The following LDHA variants were observed in gnomAD, a reference collection of about 807,000 sequenced individuals.
LDHA encodes the protein lactate dehydrogenase A.
LDHA carries 10 observed loss-of-function variants against 36.3 expected under a neutral mutation model. That is an observed-to-expected ratio of 0.28 (90% CI 0.17 to 0.47). The LOEUF (loss-of-function observed/expected upper bound fraction) is 0.47. LDHA is among the 20% of genes least tolerant of loss of function. LDHA has a pLI of 0.99. For synonymous variants in LDHA, 110 were observed against 136.7 expected (o/e 0.80, Z 1.36); for missense variants, 267 against 405.8 (o/e 0.66, Z 2.94).
In LDHA at chr11:18,408,058, TAATG is replaced by T; in HGVS notation, c.*778_*781del. ...TCCCAAAGTATTATATATTTGATAA[TAATG>T]CTAATCATAATTGGAAAGTAACATT... On this transcript the variant is annotated 3_prime_UTR_variant, in exon 8 of 8. Coordinates refer to ENST00000422447, the MANE Select transcript of LDHA (RefSeq NM_005566.4). The T allele has an allele frequency of 2.2e-6, 1 of 453,942 alleles. No individual in the cohort carries two copies. The highest frequency in any genetic ancestry group is 4.4e-6 in the Non-Finnish European group (1 of 226,724). 28.1% of individuals were successfully genotyped at this position (453,942 alleles called of 1,614,324 possible). A position where few individuals can be genotyped will look rare whatever the true frequency, so the allele number is the denominator to read the frequency against.
chr11:18,396,534 G>A, intron 1 of LDHA: 1 of 1,335,298 alleles, frequency 7.5e-7, no homozygotes, highest in Non-Finnish European at 9.6e-7. Flanking sequence ...CCCACTTGGG[G>A]TTAATAAACC....
intron 2 of LDHA, chr11:18,398,699 T>C (rs7120485): frequency 0.65 from 91,474 of 141,364 alleles, 29,486 homozygotes; most frequent in South Asian, 0.75. Context: ...CTGCTAGCTC[T>C]GCCTCCCGGG....
At chr11:18,405,028 CCT>C (rs1229547342) in intron 6 of LDHA, among the ~76,000 whole-genome samples, 3 of 152,042 alleles carry the variant, frequency 2.0e-5, no homozygotes, top group Non-Finnish European at 4.4e-5. Flanking sequence ...CCCAGCTATC[CCT>C]CTGTCCCCCT....
At position 18,403,392 on chromosome 11, in the gene LDHA, G is replaced by A. The variant is rs16935413; in HGVS notation, c.593-302G>A. 0.012 allele frequency among the ~76,000 whole-genome samples: 1,815 copies of A among 152,128 alleles called. 42 individuals are homozygous for A. Among genetic ancestry groups the A allele is most frequent in the African/African-American group, 0.041 (1,708 of 41,492 alleles). ...CACAGTTGAAAAATGTTATGATTAGGTTCTGTATGCTAAGAAAACCCCCCT... is the reference window on the plus strand; with the variant it reads ...CACAGTTGAAAAATGTTATGATTAGATTCTGTATGCTAAGAAAACCCCCCT... On this transcript the variant is annotated intron_variant, in intron 5 of 7. Transcript: ENST00000422447.
chr11:18,405,410 T>A (rs1251162537), intron 6 of LDHA, 39 bp from the exon 7 acceptor site: 1 of 1,609,702 alleles, frequency 6.2e-7, no homozygotes, highest in Non-Finnish European at 8.5e-7. Context: ...TCTCCCACCC[T>A]GCTTTTTCTG....
intron 4 of LDHA, among the ~76,000 whole-genome samples, chr11:18,401,240 C>T (rs1381004332): frequency 6.6e-6 from 1 of 150,466 alleles, no homozygotes; most frequent in African/African-American, 2.4e-5. Context: ...ACCTCTGCCT[C>T]ATGGGTTCAA....
chr11:18,402,785 T>G, intron 4 of LDHA, 55 bp from the exon 5 acceptor site: 1 of 1,363,634 alleles, frequency 7.3e-7, no homozygotes, highest in Non-Finnish European at 1.1e-6. Flanking sequence ...AGGTATATCT[T>G]TTTTGTGTGT....
rs755718918 is a variant in LDHA at position 18,402,828 on chromosome 11, C to T, written c.419-12C>T. The T allele has an allele frequency of 3.1e-6, 5 of 1,605,844 alleles. No individual in the cohort carries two copies. Among genetic ancestry groups the T allele is most frequent in the East Asian group, 2.2e-5 (1 of 44,816 alleles). The stretch of plus-strand genomic sequence containing the variant: ...GGATAATGGGTGATTTTTATTTTCT[C>T]CTTTTTCATAGTGGATATCTTGACC... On this transcript the variant is annotated splice_polypyrimidine_tract_variant and intron_variant, in intron 4 of 7. Transcript: ENST00000422447.
intron 6 of LDHA, among the ~76,000 whole-genome samples, chr11:18,404,644 TA>T (rs1324702701): frequency 6.6e-6 from 1 of 150,922 alleles, no homozygotes; most frequent in Non-Finnish European, 1.5e-5. Flanking sequence ...CCGTCTCTAC[TA>T]AAAATACAAA....
At chr11:18,401,936 T>C (rs1866517946) in intron 4 of LDHA, among the ~76,000 whole-genome samples, 1 of 149,214 alleles carries the variant, frequency 6.7e-6, no homozygotes, top group Non-Finnish European at 1.5e-5. Context: ...GGGATAAGTT[T>C]GTGAATAATT....
At chr11:18,401,959 T>C (rs72868529) in intron 4 of LDHA, among the ~76,000 whole-genome samples, 1,391 of 49,782 alleles carry the variant, frequency 0.028, 55 homozygotes, top group African/African-American at 0.059. Context: ...TATTCTCTTT[T>C]TTTTTTTTTT....
chr11:18,397,627 C>G (rs148821053), intron 2 of LDHA, among the ~76,000 whole-genome samples: 4 of 151,952 alleles, frequency 2.6e-5, no homozygotes, highest in Non-Finnish European at 1.5e-5. Context: ...CTGGCTAACA[C>G]GATGAAACCC....
At chr11:18,400,527 A>G (rs1448700034) in intron 3 of LDHA, 2 of 395,074 alleles carry the variant, frequency 5.1e-6, no homozygotes, top group East Asian at 1.2e-4. Context: ...TTAAGTAGAA[A>G]CAGGAGTATG....
chr11:18,399,334 G>T, intron 2 of LDHA, 97 bp from the exon 3 acceptor site: 2 of 867,922 alleles, frequency 2.3e-6, no homozygotes, highest in Non-Finnish European at 3.9e-6. Flanking sequence ...TAAAGTAACA[G>T]AACTCTCCTA....
At position 18,403,691 on chromosome 11, in the gene LDHA, T is replaced by C; in HGVS notation, c.593-3T>C. ...TAAATGTAGTCTGTACTATTTCTTT[T>C]AGTGCCTGTATGGAGTGGAATGAAT... On this transcript the variant is annotated splice_polypyrimidine_tract_variant and splice_region_variant and intron_variant, in intron 5 of 7. Transcript: ENST00000422447. 6.6e-7 allele frequency: 1 copy of C among 1,508,928 alleles called. No individual in the cohort carries two copies. The highest frequency in any genetic ancestry group is 2.3e-5 in the East Asian group (1 of 44,348). The allele number at this position is 1,508,928 out of a possible 1,614,324, so 93.5% of individuals were successfully genotyped here. A position where few individuals can be genotyped will look rare whatever the true frequency, so the allele number is the denominator to read the frequency against.
At chr11:18,394,730 T>TTCC in intron 1 of LDHA, 94 bp downstream of exon 1, 1 of 447,474 alleles carries the variant, frequency 2.2e-6, no homozygotes, top group Non-Finnish European at 4.5e-6. Flanking sequence ...CGCGAAGGGA[T>TTCC]TCCTGCTCCC....
intron 1 of LDHA, chr11:18,396,560 T>C: frequency 7.3e-7 from 1 of 1,365,206 alleles, no homozygotes; most frequent in Non-Finnish European, 9.4e-7. Context: ...GGGTGAACCC[T>C]CAGGAGGCTA....
chr11:18,401,017 C>T lies in LDHA; in HGVS notation c.418+7C>T. ...CTTATTGTTTCAAATCCAGGTGAGG[C>T]TTTTGACTGCATAAAAATTGACAAG... On this transcript the variant is annotated splice_region_variant and intron_variant, in intron 4 of 7. Coordinates refer to ENST00000422447, the MANE Select transcript of LDHA (RefSeq NM_005566.4). 6.2e-7 allele frequency: 1 copy of T among 1,605,966 alleles called. No individual in the cohort carries two copies. Among genetic ancestry groups the T allele is most frequent in the Non-Finnish European group, 8.5e-7 (1 of 1,173,980 alleles).
rs1554960741 is a variant in LDHA, at chr11:18,398,629, T to TTTTTTTTTTTTTTTC, written c.127-802_127-801insTTTTTTTTTTTTTTC. ...TTTTTTTTTTTTTTTTTTTTTTTTT[T>TTTTTTTTTTTTTTTC]CTGAGAAGGAGTCTCGCCGTGTCGC... On this transcript the variant is annotated intron_variant, in intron 2 of 7. Transcript: ENST00000422447. 14 of 87,662 alleles carry TTTTTTTTTTTTTTTC rather than the reference T, an allele frequency of 1.6e-4. 2 individuals carry two copies. Among genetic ancestry groups the TTTTTTTTTTTTTTTC allele is most frequent in the African/African-American group, 5.3e-4 (13 of 24,550 alleles). The allele number at this position is 87,662 out of a possible 1,614,324, so 5.4% of individuals were successfully genotyped here.
Sources: gnomAD v4.1 joint callset for allele counts (sites outside exome capture counted in the v4.1 genomes callset) on GRCh38, gnomAD v4.1.1 for gene constraint, MANE v1.5 for transcripts, NCBI Gene and HGNC (gene_info 2026-07-23, HGNC 2026-07-21) for gene names.